The following HDAC4 variants were observed in gnomAD, a reference collection of about 807,000 sequenced individuals.
The protein encoded by HDAC4 is histone deacetylase A.
HDAC4 carries 16 observed loss-of-function variants against 135.1 expected under a neutral mutation model. The observed-to-expected ratio is 0.12, with a 90% CI of 0.08 to 0.18. HDAC4 has a LOEUF of 0.18. Ranked by LOEUF, HDAC4 falls within the 10% of genes least tolerant of loss-of-function variation. The pLI is 1.00. For missense variants in HDAC4, 1,143 were observed against 1,511.8 expected (o/e 0.76, Z 4.05); for synonymous variants, 685 against 653.4 (o/e 1.05, Z -0.74).
chr2:239,186,396 AAG>A (rs1229958737), intron 4 of HDAC4: 2 of 152,258 alleles, frequency 1.3e-5, no homozygotes, highest in East Asian at 3.8e-4. Flanking sequence ...ATGGCTTATA[AAG>A]AGAGTTTAAA....
intron 7 of HDAC4, among the ~76,000 whole-genome samples, chr2:239,154,093 G>A (rs112068485): frequency 5.3e-5 from 8 of 152,310 alleles, no homozygotes; most frequent in Admixed American, 2.0e-4. Context: ...GTTCTGTTGC[G>A]AGTTGGGGTG....
intron 2 of HDAC4, among the ~76,000 whole-genome samples, chr2:239,280,724 T>C (rs2050659492): frequency 6.6e-6 from 1 of 151,970 alleles, no homozygotes; most frequent in African/African-American, 2.4e-5. Context: ...CCAAGTCTTG[T>C]CCCCATGCAC....
intron 3 of HDAC4, among the ~76,000 whole-genome samples, chr2:239,194,814 G>A (rs2045259129): frequency 6.6e-6 from 1 of 152,234 alleles, no homozygotes; most frequent in South Asian, 2.1e-4. Flanking sequence ...GAGGAGGGCA[G>A]GCAGGCAGGG....
intron 15 of HDAC4, among the ~76,000 whole-genome samples, chr2:239,104,250 A>G (rs551449010): frequency 1.3e-5 from 2 of 152,150 alleles, no homozygotes; most frequent in African/African-American, 4.8e-5. Context: ...TTTTTTTTGA[A>G]ACGGAGTTTC....
chr2:239,092,958 GAA>G (rs1192655545), intron 17 of HDAC4, among the ~76,000 whole-genome samples: 4 of 152,072 alleles, frequency 2.6e-5, no homozygotes, highest in Non-Finnish European at 5.9e-5. Flanking sequence ...GAAACATGGA[GAA>G]AGCTTCCCAC....
chr2:239,381,964 C>T (rs1338656968), intron 1 of HDAC4, among the ~76,000 whole-genome samples: 1 of 152,244 alleles, frequency 6.6e-6, no homozygotes, highest in African/African-American at 2.4e-5. Flanking sequence ...AGACTGCTCA[C>T]TGGGCTTTGG....
At chr2:239,231,965 C>T (rs538237154) in intron 3 of HDAC4, among the ~76,000 whole-genome samples, 2 of 129,634 alleles carry the variant, frequency 1.5e-5, no homozygotes, top group South Asian at 3.1e-4. Flanking sequence ...CACCTGCTCC[C>T]GGATGCCTGA....
chr2:239,316,676 C>T (rs376240276), intron 2 of HDAC4, among the ~76,000 whole-genome samples: 86 of 152,144 alleles, frequency 5.7e-4, no homozygotes, highest in Admixed American at 1.3e-3. Context: ...ACAGACGTGG[C>T]GTGGTTTCCA....
Position 239,084,936 on chromosome 2 carries a change from ACACT to A in HDAC4, c.2445-698_2445-695del, listed in dbSNP as rs772711734. On this transcript the variant is annotated intron_variant, in intron 19 of 26. Transcript: ENST00000543185. ...ATACACATGAACACCCCATACAGAA[ACACT>A]CACACACACACAAACCACAGACACA... Among the ~76,000 whole-genome samples the A allele has an allele frequency of 1.3e-3, 189 of 149,692 alleles. 1 individual carries two copies. Among genetic ancestry groups the A allele is most frequent in the Non-Finnish European group, 6.2e-4 (42 of 67,290 alleles).
intron 1 of HDAC4, among the ~76,000 whole-genome samples, chr2:239,394,751 A>G (rs1376616436): frequency 6.6e-6 from 1 of 152,232 alleles, no homozygotes; most frequent in African/African-American, 2.4e-5. Flanking sequence ...CAGCTCTCCC[A>G]CCCAAGGCCC....
In HDAC4 at chr2:239,054,310, G is replaced by A. The variant is rs142246769; in HGVS notation, c.3088+439C>T. On this transcript the variant is annotated intron_variant, in intron 25 of 26. Transcript: ENST00000543185. Reference sequence around the variant, plus strand: ...ACCCAGGACCTGCTGCTTGAGGGTCGGTGCCAGAACTCAGAGGGCCTACAC... The same window carrying A: ...ACCCAGGACCTGCTGCTTGAGGGTCAGTGCCAGAACTCAGAGGGCCTACAC... Among the ~76,000 whole-genome samples the A allele has an allele frequency of 1.2e-3, 190 of 152,184 alleles. 1 individual carries two copies. Among genetic ancestry groups the A allele is most frequent in the African/African-American group, 4.3e-3 (179 of 41,542 alleles).
chr2:239,362,296 G>A (rs1356017699), intron 1 of HDAC4, among the ~76,000 whole-genome samples: 1 of 152,182 alleles, frequency 6.6e-6, no homozygotes, highest in Non-Finnish European at 1.5e-5. Flanking sequence ...TAACGCTTAC[G>A]TGTGGGTGTA....
intron 1 of HDAC4, among the ~76,000 whole-genome samples, chr2:239,388,964 C>A (rs757154746): frequency 2.0e-5 from 3 of 152,224 alleles, no homozygotes; most frequent in African/African-American, 4.8e-5. Flanking sequence ...GAGAACCCTG[C>A]CGAGGGCTTC....
chr2:239,099,203 A>T (rs1320322729), intron 16 of HDAC4, among the ~76,000 whole-genome samples: 1 of 152,188 alleles, frequency 6.6e-6, no homozygotes, highest in Non-Finnish European at 1.5e-5. Flanking sequence ...TCCTCCGCCC[A>T]CTGAATTCCA....
At chr2:239,113,111 G>A (rs183522188) in intron 13 of HDAC4, among the ~76,000 whole-genome samples, 66 of 152,298 alleles carry the variant, frequency 4.3e-4, no homozygotes, top group African/African-American at 1.3e-3. Flanking sequence ...TTAGCCAGGC[G>A]TGATGGTGGG....
chr2:239,237,579 C>CAA (rs112938737), intron 2 of HDAC4, among the ~76,000 whole-genome samples: 19,394 of 136,072 alleles, frequency 0.14, 2,109 homozygotes, highest in East Asian at 0.37. Context: ...CAAATGACTG[C>CAA]AAAAAAAAAA....
chr2:239,265,133 C>G (rs369596270), intron 2 of HDAC4, among the ~76,000 whole-genome samples: 10 of 152,150 alleles, frequency 6.6e-5, no homozygotes, highest in Non-Finnish European at 1.5e-4. Flanking sequence ...ACTGTGAACC[C>G]GCCCCAGGGG....
At chr2:239,121,881 C>T (rs773630131) in intron 12 of HDAC4, among the ~76,000 whole-genome samples, 1 of 152,216 alleles carries the variant, frequency 6.6e-6, no homozygotes, top group Non-Finnish European at 1.5e-5. Context: ...CTGAGTCTCA[C>T]TGGCTGGGCT....
chr2:239,304,814 G>A (rs2052481210), intron 2 of HDAC4, among the ~76,000 whole-genome samples: 1 of 152,130 alleles, frequency 6.6e-6, no homozygotes, highest in African/African-American at 2.4e-5. Flanking sequence ...GCAGAAACAA[G>A]GCCCCCTTGG....
Sources: allele counts gnomAD v4.1 joint callset (sites outside exome capture counted in the v4.1 genomes callset), GRCh38; gene constraint gnomAD v4.1.1; transcripts MANE v1.5; gene names NCBI Gene and HGNC (gene_info 2026-07-23, HGNC 2026-07-21).